CASS4: variants seen among roughly 807,000 people sequenced by gnomAD.
The protein encoded by CASS4 is cas scaffolding protein family member 4.
A neutral mutation model predicts 54.2 loss-of-function variants in CASS4; 22 were observed. That is an observed-to-expected ratio of 0.41 (90% CI 0.29 to 0.58). CASS4 has a LOEUF of 0.58. CASS4 is among the 20% of genes least tolerant of loss of function. The probability of loss-of-function intolerance (pLI) is 0.36; values close to 1 mark genes in which losing one functional copy is unlikely to be tolerated. For synonymous variants in CASS4, 409 were observed against 391.5 expected (o/e 1.04, Z -0.53); for missense variants, 854 against 986.7 (o/e 0.87, Z 1.80).
At chr20:56,432,948 C>T (rs73285297) in intron 1 of CASS4, among the ~76,000 whole-genome samples, 3,003 of 152,296 alleles carry the variant, frequency 0.02, 39 homozygotes, top group South Asian at 0.025. Flanking sequence ...GAAATAGGAG[C>T]GCTCATCCTG....
intron 1 of CASS4, among the ~76,000 whole-genome samples, chr20:56,429,847 T>C (rs1206516476): frequency 1.3e-5 from 2 of 152,126 alleles, no homozygotes; most frequent in African/African-American, 4.8e-5. Flanking sequence ...TTTCATAACT[T>C]CCTGTATTTT....
At chr20:56,440,779 T>A (rs1980416499) in intron 2 of CASS4, among the ~76,000 whole-genome samples, 1 of 152,176 alleles carries the variant, frequency 6.6e-6, no homozygotes, top group Admixed American at 6.5e-5. Flanking sequence ...GCCTTGCTTG[T>A]GCAGGCTGTG....
chr20:56,443,070 G>C (rs980959493), intron 2 of CASS4, among the ~76,000 whole-genome samples: 1 of 151,742 alleles, frequency 6.6e-6, no homozygotes, highest in Non-Finnish European at 1.5e-5. Flanking sequence ...GGGTCTGCGG[G>C]GGGAGAAAGC....
In CASS4 at chr20:56,451,918, G is replaced by C. The variant is rs764535764; in HGVS notation, c.742G>C (p.Val248Leu). 1.7e-5 allele frequency: 27 copies of C among 1,614,000 alleles called. No individual in the cohort carries two copies. The highest frequency in any genetic ancestry group is 2.1e-5 in the Non-Finnish European group (25 of 1,180,040). The change falls in exon 5 of 6, where the codon GTG becomes CTG. Residue 248 changes from valine to leucine, a missense_variant. Coordinates refer to ENST00000679887, the MANE Select transcript of CASS4 (RefSeq NM_020356.4). ...ATCGGAATGGATTTATGACACTCCA[G>C]TGTCTCCAGGAAAGGCCAGCGTCAG... ...QKSEWIYDTP[V>L]SPGKASVRNT...
At chr20:56,442,498 C>A (rs1232020086) in intron 2 of CASS4, among the ~76,000 whole-genome samples, 2 of 151,682 alleles carry the variant, frequency 1.3e-5, no homozygotes, top group Admixed American at 6.6e-5. Flanking sequence ...CCTACAGATG[C>A]TACGTTACAG....
chr20:56,447,974 C>T (rs1980805187), intron 3 of CASS4, among the ~76,000 whole-genome samples: 2 of 152,092 alleles, frequency 1.3e-5, no homozygotes, highest in South Asian at 4.1e-4. Flanking sequence ...AACCCCGTCT[C>T]TACTAAAAAT....
chr20:56,437,515 G>C lies in CASS4; in HGVS notation c.388G>C (p.Val130Leu). Residue 130 changes from valine (V) to leucine (L), a missense_variant, in exon 2 of 6, where the codon GTC becomes CTC. Transcript: ENST00000679887. The surrounding 1 kb of genome is among the most constrained non-coding windows in gnomAD (Gnocchi z 4.7). ...GGGGCCCCAGCCCCCTACTGCCCAA[G>C]TCTATGAATTCCCCGACCCTCCCAC... ...AEGPQPPTAQ[V>L]YEFPDPPTSA... The C allele has an allele frequency of 6.3e-7, 1 of 1,589,488 alleles. No individual in the cohort carries two copies. The highest frequency in any genetic ancestry group is 2.2e-5 in the East Asian group (1 of 44,576).
chr20:56,451,086 CA>C (rs1159474199), intron 4 of CASS4, among the ~76,000 whole-genome samples: 1 of 151,726 alleles, frequency 6.6e-6, no homozygotes, highest in African/African-American at 2.4e-5. Flanking sequence ...GCAAATTCCT[CA>C]TAACAGAGAC....
At chr20:56,415,174 T>G (rs1979070016) in intron 1 of CASS4, among the ~76,000 whole-genome samples, 1 of 152,164 alleles carries the variant, frequency 6.6e-6, no homozygotes, top group Non-Finnish European at 1.5e-5. Flanking sequence ...AGATAGTATT[T>G]TATGCTTTGC....
chr20:56,452,129 G>T lies in CASS4; in HGVS notation c.953G>T (p.Arg318Ile). The T allele has an allele frequency of 6.2e-7, 1 of 1,614,134 alleles. No individual in the cohort carries two copies. The highest frequency in any genetic ancestry group is 1.3e-5 in the African/African-American group (1 of 75,006). Residue 318 changes from arginine (R) to isoleucine (I), a missense_variant, in exon 5 of 6, where the codon AGA becomes ATA. Arg to Ile is a moderately conservative substitution (Grantham distance 97, BLOSUM62 -3). Transcript: ENST00000679887. ...CCTTCTTATGGCTTTCTTGTACCCA[G>T]AGGCACATTTCCTTTGGATGAAGAT... ...EIPSYGFLVP[R>I]GTFPLDEDVS... is the part of the protein sequence containing the mutation.
At chr20:56,457,324 G>A (rs935348415) in intron 5 of CASS4, among the ~76,000 whole-genome samples, 39 of 152,310 alleles carry the variant, frequency 2.6e-4, no homozygotes, top group Admixed American at 2.2e-3. Context: ...TCTCTCATGT[G>A]CTAATGGAAT....
intron 2 of CASS4, among the ~76,000 whole-genome samples, chr20:56,445,580 G>A (rs974232349): frequency 6.6e-6 from 1 of 152,144 alleles, no homozygotes; most frequent in African/African-American, 2.4e-5. Flanking sequence ...GCAGGTTCCC[G>A]GCCCCCCTCG....
At chr20:56,456,782 G>A (rs923831051) in intron 5 of CASS4, among the ~76,000 whole-genome samples, 2 of 151,986 alleles carry the variant, frequency 1.3e-5, no homozygotes, top group African/African-American at 4.8e-5. Flanking sequence ...AGGTTCAATC[G>A]ATTCTCCCAC....
intron 3 of CASS4, 71 bp downstream of exon 3, chr20:56,446,072 C>A: frequency 9.9e-7 from 1 of 1,011,944 alleles, no homozygotes. Flanking sequence ...TGGGATCATG[C>A]CCACATTGCA....
intron 3 of CASS4, among the ~76,000 whole-genome samples, chr20:56,447,924 C>T (rs912914798): frequency 2.0e-5 from 3 of 152,160 alleles, no homozygotes; most frequent in African/African-American, 7.2e-5. Context: ...AGGTAGATCA[C>T]GAGGTCAGGA....
intron 2 of CASS4, among the ~76,000 whole-genome samples, chr20:56,440,989 T>A (rs1243794224): frequency 5.4e-5 from 7 of 129,922 alleles, no homozygotes; most frequent in Non-Finnish European, 7.8e-5. Flanking sequence ...AAAAAAAAAA[T>A]TTTTTTTTTT....
intron 1 of CASS4, among the ~76,000 whole-genome samples, chr20:56,434,317 G>A (rs1980053103): frequency 6.6e-6 from 1 of 152,232 alleles, no homozygotes; most frequent in Admixed American, 6.5e-5. Flanking sequence ...CCTGCAATTA[G>A]CTAAAATGTC....
In CASS4 at chr20:56,412,310, T is replaced by G; in HGVS notation, c.-149T>G. 1 of 846,764 alleles carries G rather than the reference T, an allele frequency of 1.2e-6. No homozygotes were observed. Among genetic ancestry groups the G allele is most frequent in the Non-Finnish European group, 1.9e-6 (1 of 532,330 alleles). 52.5% of individuals were successfully genotyped at this position (846,764 alleles called of 1,614,324 possible). ...GAAAGTTTGCCTGCTGGGAGAGTCTTTTTGATCGTTTCCCATGTGTTGTCA... is the reference window on the plus strand; with the variant it reads ...GAAAGTTTGCCTGCTGGGAGAGTCTGTTTGATCGTTTCCCATGTGTTGTCA... On this transcript the variant is annotated 5_prime_UTR_variant, in exon 1 of 6. Coordinates refer to ENST00000679887, the MANE Select transcript of CASS4 (RefSeq NM_020356.4). This position sits in a 1 kb window ranked among gnomAD's most constrained non-coding sequence, Gnocchi z 4.2.
intron 5 of CASS4, among the ~76,000 whole-genome samples, chr20:56,457,475 T>C (rs1319698165): frequency 6.6e-6 from 1 of 152,148 alleles, no homozygotes; most frequent in East Asian, 1.9e-4. Flanking sequence ...GAAAATAAAA[T>C]TCATGAATGT....
Sources: gnomAD v4.1 joint callset for allele counts (sites outside exome capture counted in the v4.1 genomes callset) on GRCh38, gnomAD v4.1.1 for gene constraint, Gnocchi (gnomAD v3.1) non-coding constraint, MANE v1.5 for transcripts, NCBI Gene and HGNC (gene_info 2026-07-23, HGNC 2026-07-21) for gene names.